TBC1D12: variants seen among roughly 807,000 people sequenced by gnomAD.
TBC1D12 encodes the protein TBC1 domain family member 12.
Under a neutral mutation model 86.7 loss-of-function variants are expected in TBC1D12, and 56 were observed. The ratio of observed to expected loss-of-function variants is 0.65; its 90% confidence interval spans 0.52 to 0.81. The LOEUF (loss-of-function observed/expected upper bound fraction) is 0.81. TBC1D12 is among the 30% of genes least tolerant of loss of function. The probability of loss-of-function intolerance (pLI) is 0.00; values close to 1 mark genes in which losing one functional copy is unlikely to be tolerated. For missense variants in TBC1D12, 1,023 were observed against 1,038.8 expected, an observed-to-expected ratio of 0.98 and a Z score of 0.21; for synonymous variants, 421 against 411.7, an observed-to-expected ratio of 1.02 and a Z score of -0.27.
At chr10:94,410,354 T>A (rs1317874652) in intron 1 of TBC1D12, among the ~76,000 whole-genome samples, 1 of 152,222 alleles carries the variant, frequency 6.6e-6, no homozygotes, top group Admixed American at 6.5e-5. Flanking sequence ...AAAGTGTATC[T>A]TAGTTCTACA....
At chr10:94,448,062 TG>T (rs1343998355) in intron 2 of TBC1D12, among the ~76,000 whole-genome samples, 3 of 151,896 alleles carry the variant, frequency 2.0e-5, no homozygotes, top group Non-Finnish European at 4.4e-5. Flanking sequence ...TTAAGTTGAG[TG>T]GTTGAATCAG....
At chr10:94,425,154 C>T (rs1204738692) in intron 1 of TBC1D12, among the ~76,000 whole-genome samples, 3 of 152,158 alleles carry the variant, frequency 2.0e-5, no homozygotes, top group Admixed American at 2.0e-4. Flanking sequence ...GTTTGCAAGT[C>T]CATCTTCAAG....
intron 1 of TBC1D12, among the ~76,000 whole-genome samples, chr10:94,430,423 G>A (rs1205793602): frequency 2.0e-5 from 3 of 152,098 alleles, no homozygotes; most frequent in South Asian, 2.1e-4. Context: ...TCTCAGATAC[G>A]TAAGTGGGTT....
At chr10:94,444,528 A>C (rs1020288502) in intron 2 of TBC1D12, among the ~76,000 whole-genome samples, 7 of 152,108 alleles carry the variant, frequency 4.6e-5, no homozygotes, top group Admixed American at 4.6e-4. Flanking sequence ...TTGCTACTGA[A>C]GGTTTATACA....
chr10:94,455,456 A>G (rs1442840846), intron 2 of TBC1D12, among the ~76,000 whole-genome samples: 1 of 152,180 alleles, frequency 6.6e-6, no homozygotes, highest in Non-Finnish European at 1.5e-5. Flanking sequence ...GAGATTATAG[A>G]TAATTGATAC....
intron 5 of TBC1D12, among the ~76,000 whole-genome samples, chr10:94,498,080 A>T (rs575831850): frequency 1.3e-5 from 2 of 152,216 alleles, no homozygotes; most frequent in East Asian, 3.9e-4. Context: ...CGGCCTCCCC[A>T]AGTGCTGAGA....
intron 2 of TBC1D12, among the ~76,000 whole-genome samples, chr10:94,459,262 A>G (rs1054576691): frequency 3.3e-5 from 5 of 152,128 alleles, no homozygotes; most frequent in Admixed American, 2.6e-4. Context: ...AACTAGACAC[A>G]GAGCAGTGAT....
At chr10:94,531,529 A>G (rs930870286) in intron 12 of TBC1D12, 69 bp downstream of exon 12, 71 of 1,457,800 alleles carry the variant, frequency 4.9e-5, no homozygotes, top group Non-Finnish European at 6.1e-5. Flanking sequence ...AAAGTTAGGT[A>G]TTTCTTAAAA....
intron 2 of TBC1D12, 152 bp downstream of exon 2, chr10:94,442,171 G>A: frequency 5.2e-6 from 4 of 775,842 alleles, no homozygotes; most frequent in Non-Finnish European, 7.2e-6. Flanking sequence ...TATTTATAGG[G>A]ACCTGCTAAA....
chr10:94,454,560 C>A, intron 2 of TBC1D12, among the ~76,000 whole-genome samples: 1 of 152,160 alleles, frequency 6.6e-6, no homozygotes. Context: ...TTTTGTTCTT[C>A]TTTGTTATCT....
At chr10:94,499,967 T>C (rs576349894) in intron 5 of TBC1D12, among the ~76,000 whole-genome samples, 9 of 152,342 alleles carry the variant, frequency 5.9e-5, no homozygotes, top group African/African-American at 2.2e-4. Flanking sequence ...TGCATATTTC[T>C]GATTCTCTCA....
chr10:94,479,927 CT>C (rs1332709746), intron 3 of TBC1D12, among the ~76,000 whole-genome samples: 1 of 152,182 alleles, frequency 6.6e-6, no homozygotes, highest in East Asian at 1.9e-4. Context: ...GGGTTGATAT[CT>C]TTCACCATAT....
chr10:94,445,492 A>C (rs2055448734), intron 2 of TBC1D12, among the ~76,000 whole-genome samples: 1 of 152,064 alleles, frequency 6.6e-6, no homozygotes, highest in African/African-American at 2.4e-5. Context: ...TGATCCTTTA[A>C]CTGACGATTA....
At chr10:94,429,299 T>A (rs1589609529) in intron 1 of TBC1D12, among the ~76,000 whole-genome samples, 2 of 152,204 alleles carry the variant, frequency 1.3e-5, no homozygotes, top group Non-Finnish European at 2.9e-5. Flanking sequence ...ACTTTTTTTT[T>A]AATTTTTAGG....
chr10:94,469,293 T>G (rs1324678697), intron 2 of TBC1D12, among the ~76,000 whole-genome samples: 2 of 152,184 alleles, frequency 1.3e-5, no homozygotes, highest in Non-Finnish European at 2.9e-5. Flanking sequence ...CTGGGTAAGC[T>G]CTGGGAAGTG....
At position 94,502,705 on chromosome 10, in the gene TBC1D12, A is replaced by G. The variant is rs141936351; in HGVS notation, c.1519+2378A>G. On this transcript the variant is annotated intron_variant, in intron 6 of 12. Transcript: ENST00000225235. ...AGACCCTGTCTCTAAATAAATAAAT[A>G]GTTAATAATAAAATGTGCTAAATTG... Among the ~76,000 whole-genome samples the G allele has an allele frequency of 8.5e-5, 13 of 152,336 alleles. No homozygotes were observed. In the East Asian group the frequency reaches 1.9e-3, roughly 23 times the overall value.
At chr10:94,475,198 T>G (rs1434803420) in intron 3 of TBC1D12, among the ~76,000 whole-genome samples, 1 of 152,232 alleles carries the variant, frequency 6.6e-6, no homozygotes, top group Non-Finnish European at 1.5e-5. Context: ...TCTCTGCTCC[T>G]CCATCTTAAC....
chr10:94,499,304 C>T (rs764040968), intron 5 of TBC1D12, among the ~76,000 whole-genome samples: 21 of 152,174 alleles, frequency 1.4e-4, no homozygotes, highest in Non-Finnish European at 2.8e-4. Context: ...CAACATCTCA[C>T]CTTTCTCCAT....
intron 1 of TBC1D12, among the ~76,000 whole-genome samples, chr10:94,411,841 A>G (rs1231851518): frequency 6.6e-6 from 1 of 152,184 alleles, no homozygotes; most frequent in African/African-American, 2.4e-5. Context: ...ACCTGTAGCC[A>G]CAGTTACTCG....
Sources: allele counts gnomAD v4.1 joint callset (sites outside exome capture counted in the v4.1 genomes callset), GRCh38; gene constraint gnomAD v4.1.1; transcripts MANE v1.5; gene names NCBI Gene and HGNC (gene_info 2026-07-23, HGNC 2026-07-21).